Variants in PTN observed in about 807,000 individuals in gnomAD.
PTN encodes heparin affin regulatory protein.
A neutral mutation model predicts 24.1 loss-of-function variants in PTN; 18 were observed. The observed-to-expected ratio is 0.75, with a 90% CI of 0.52 to 1.11. The LOEUF is 1.11. PTN is among the 50% of genes least tolerant of loss of function. The pLI is 0.00. For synonymous variants in PTN, 78 were observed against 68.6 expected (o/e 1.14, Z -0.67); for missense variants, 163 against 198.8 (o/e 0.82, Z 1.08).
intron 3 of PTN, among the ~76,000 whole-genome samples, chr7:137,252,437 G>T (rs1808844932): frequency 6.6e-6 from 1 of 151,768 alleles, no homozygotes; most frequent in Non-Finnish European, 1.5e-5. Flanking sequence ...TTACTGTTGA[G>T]TTTGAGAGTT....
At chr7:137,253,681 T>C in intron 2 of PTN, 44 bp from the exon 3 acceptor site, 2 of 1,428,870 alleles carry the variant, frequency 1.4e-6, no homozygotes, top group Non-Finnish European at 1.9e-6. Context: ...AGAAAACTCC[T>C]TAACTTCCAG....
At chr7:137,338,183 C>T (rs1444393519) in intron 1 of PTN, among the ~76,000 whole-genome samples, 1 of 152,158 alleles carries the variant, frequency 6.6e-6, no homozygotes, top group Non-Finnish European at 1.5e-5. Context: ...CCAAATTCCA[C>T]AGCTGAAGTA....
At chr7:137,237,103 T>C (rs1808536190) in intron 4 of PTN, among the ~76,000 whole-genome samples, 1 of 152,182 alleles carries the variant, frequency 6.6e-6, no homozygotes, top group Non-Finnish European at 1.5e-5. Context: ...ACTGAACTCC[T>C]AACCCTTGTA....
At chr7:137,325,109 T>C (rs1810237136) in intron 1 of PTN, among the ~76,000 whole-genome samples, 2 of 152,190 alleles carry the variant, frequency 1.3e-5, no homozygotes, top group Non-Finnish European at 1.5e-5. Flanking sequence ...CCAAATTATC[T>C]GGACCAGGAA....
At chr7:137,260,242 T>G (rs540818750) in intron 1 of PTN, among the ~76,000 whole-genome samples, 1 of 152,262 alleles carries the variant, frequency 6.6e-6, no homozygotes, top group East Asian at 1.9e-4. Context: ...GTTCTAGATA[T>G]TGTGTGATTC....
intron 4 of PTN, among the ~76,000 whole-genome samples, chr7:137,229,072 C>A (rs575860037): frequency 6.6e-6 from 1 of 151,692 alleles, no homozygotes; most frequent in Non-Finnish European, 1.5e-5. Context: ...TTTAAATAGG[C>A]ATATGAAAAG....
At chr7:137,335,365 G>T (rs187162847) in intron 1 of PTN, among the ~76,000 whole-genome samples, 2 of 152,168 alleles carry the variant, frequency 1.3e-5, no homozygotes, top group Non-Finnish European at 2.9e-5. Context: ...ACACTTAAGG[G>T]AACTTCAGTG....
chr7:137,241,138 C>T (rs1437509337), intron 4 of PTN, among the ~76,000 whole-genome samples: 1 of 152,122 alleles, frequency 6.6e-6, no homozygotes, highest in Non-Finnish European at 1.5e-5. Context: ...CTCGTGAGAA[C>T]TCACTCACTA....
intron 4 of PTN, among the ~76,000 whole-genome samples, chr7:137,231,637 G>A (rs774094757): frequency 3.5e-4 from 53 of 152,004 alleles, no homozygotes; most frequent in Middle Eastern, 6.8e-3. Flanking sequence ...TGAAATACTT[G>A]TTGCATGCGG....
intron 1 of PTN, among the ~76,000 whole-genome samples, chr7:137,337,716 T>C (rs1206762875): frequency 1.3e-5 from 2 of 152,138 alleles, no homozygotes; most frequent in Non-Finnish European, 2.9e-5. Context: ...ACATTTGTAA[T>C]GAAGGGAGTG....
rs371322805 is a variant in PTN at position 137,266,423 on chromosome 7, C to G, written c.-1-11449G>C. Among the ~76,000 whole-genome samples the G allele has an allele frequency of 1.1e-4, 17 of 152,076 alleles. No homozygotes were observed. The South Asian group carries it at 2.7e-3, about 24-fold the overall frequency. ...TGTTTCTTCAATAGTACTCAGGAGG[C>G]CTTATTACTTTTAAATTATACAACA... On this transcript the variant is annotated intron_variant, in intron 1 of 4. Transcript: ENST00000348225.
chr7:137,311,404 T>C (rs1431006258), intron 1 of PTN, among the ~76,000 whole-genome samples: 1 of 152,172 alleles, frequency 6.6e-6, no homozygotes, highest in African/African-American at 2.4e-5. Flanking sequence ...TGGAGTAATA[T>C]TTTTAATCTT....
chr7:137,298,828 T>C (rs953482842), intron 1 of PTN, among the ~76,000 whole-genome samples: 4 of 151,888 alleles, frequency 2.6e-5, no homozygotes, highest in African/African-American at 4.8e-5. Context: ...AGCAAAGAAA[T>C]GGAGCAAGAT....
chr7:137,322,905 C>T (rs562559187), intron 1 of PTN, among the ~76,000 whole-genome samples: 2 of 152,332 alleles, frequency 1.3e-5, no homozygotes, highest in African/African-American at 4.8e-5. Context: ...TCCTCTTAGT[C>T]ATATCCAATT....
intron 1 of PTN, among the ~76,000 whole-genome samples, chr7:137,340,115 A>G (rs1241723507): frequency 6.6e-6 from 1 of 152,232 alleles, no homozygotes; most frequent in Non-Finnish European, 1.5e-5. Flanking sequence ...GGTTCAATAA[A>G]TAAAGCCTAG....
intron 2 of PTN, among the ~76,000 whole-genome samples, chr7:137,254,221 C>G (rs191933479): frequency 2.0e-5 from 3 of 151,056 alleles, no homozygotes; most frequent in Admixed American, 6.6e-5. Context: ...TCACTTGAAC[C>G]GGGAGACAGA....
At chr7:137,251,624 C>T (rs144692647) in intron 3 of PTN, among the ~76,000 whole-genome samples, 1 of 149,136 alleles carries the variant, frequency 6.7e-6, no homozygotes, top group African/African-American at 2.6e-5. Flanking sequence ...CACTAATATA[C>T]ACTATTAATA....
chr7:137,314,729 G>A (rs2128880329), intron 1 of PTN, among the ~76,000 whole-genome samples: 1 of 151,376 alleles, frequency 6.6e-6, no homozygotes, highest in Admixed American at 6.6e-5. Context: ...CAAGTAGCTG[G>A]GATTACAGGT....
intron 1 of PTN, among the ~76,000 whole-genome samples, chr7:137,340,182 T>C (rs1205410104): frequency 1.3e-5 from 2 of 152,196 alleles, no homozygotes; most frequent in Non-Finnish European, 2.9e-5. Context: ...AGTCATTGTA[T>C]TCCTTGTCCA....
Sources: gnomAD v4.1 joint callset for allele counts (sites outside exome capture counted in the v4.1 genomes callset) on GRCh38, gnomAD v4.1.1 for gene constraint, MANE v1.5 for transcripts, NCBI Gene and HGNC (gene_info 2026-07-23, HGNC 2026-07-21) for gene names.